ZNF695: variants seen among roughly 807,000 people sequenced by gnomAD.
The protein encoded by ZNF695 is zinc finger protein 695, also known as zinc finger protein SBZF3.
A neutral mutation model predicts 11.2 loss-of-function variants in ZNF695; 11 were observed. That is an observed-to-expected ratio of 0.98 (90% CI 0.62 to 1.62). The LOEUF (loss-of-function observed/expected upper bound fraction) is 1.62, where lower values mean the gene tolerates loss of function less well. ZNF695 is among the 40% of genes most tolerant of loss of function. The probability of loss-of-function intolerance (pLI) is 0.00; values close to 1 mark genes in which losing one functional copy is unlikely to be tolerated. For missense variants in ZNF695, 559 were observed against 590.5 expected (o/e 0.95, Z 0.55); for synonymous variants, 190 against 201.4 (o/e 0.94, Z 0.48).
Position 247,001,733 on chromosome 1 carries a change from AAG to A in ZNF695, c.4-1661_4-1660del, listed in dbSNP as rs1413536358. ...GTCTCAAAAAAAAAAAAAAAAAAAA[AAG>A]AAACAAGACAAAGAAGGGCATTGCA... On this transcript the variant is annotated intron_variant, in intron 1 of 3. Transcript: ENST00000339986. 2.9e-3 allele frequency among the ~76,000 whole-genome samples: 370 copies of A among 129,214 alleles called. 2 individuals carry two copies. The highest frequency in any genetic ancestry group is 9.0e-3 in the African/African-American group (325 of 36,130). 84.8% of individuals were successfully genotyped at this position (129,214 alleles called of 152,430 possible). A position where few individuals can be genotyped will look rare whatever the true frequency, so the allele number is the denominator to read the frequency against.
chr1:246,976,602 G>A (rs933393943), intron 4 of ZNF695, among the ~76,000 whole-genome samples: 3 of 151,622 alleles, frequency 2.0e-5, no homozygotes, highest in South Asian at 2.1e-4. Context: ...AGACCATCCT[G>A]GCTAACACGG....
intron 5 of ZNF695, among the ~76,000 whole-genome samples, chr1:246,963,583 G>A (rs1460536932): frequency 3.9e-5 from 6 of 152,170 alleles, no homozygotes; most frequent in African/African-American, 1.4e-4. Flanking sequence ...AGAATAATCC[G>A]GCAGGGAAGA....
intron 4 of ZNF695, chr1:246,969,585 G>A (rs1232349001): frequency 2.0e-5 from 3 of 152,164 alleles, no homozygotes; most frequent in Non-Finnish European, 4.4e-5. Flanking sequence ...ACATTTTCAG[G>A]TATCTTTATA....
At chr1:246,997,652 T>C (rs571320714) in intron 3 of ZNF695, among the ~76,000 whole-genome samples, 1 of 152,344 alleles carries the variant, frequency 6.6e-6, no homozygotes, top group South Asian at 2.1e-4. Context: ...ATTGCCAAGA[T>C]ACAGAAACAA....
intron 3 of ZNF695, among the ~76,000 whole-genome samples, chr1:246,995,428 A>C (rs532838972): frequency 2.0e-5 from 3 of 152,240 alleles, no homozygotes; most frequent in African/African-American, 7.2e-5. Flanking sequence ...GTTTTTGCAG[A>C]AATAGAAAAG....
intron 4 of ZNF695, chr1:246,979,974 T>A (rs1334041212): frequency 2.7e-5 from 4 of 149,868 alleles, no homozygotes; most frequent in South Asian, 2.1e-4. Context: ...ATTGAGACCA[T>A]CCTGGCTAAC....
chr1:246,972,578 T>C (rs1668453965), intron 4 of ZNF695, among the ~76,000 whole-genome samples: 1 of 152,118 alleles, frequency 6.6e-6, no homozygotes, highest in African/African-American at 2.4e-5. Flanking sequence ...CTGGAGTAAA[T>C]GGCGTGATCT....
chr1:246,947,632 A>G (rs1667771688), intron 5 of ZNF695, among the ~76,000 whole-genome samples: 1 of 150,834 alleles, frequency 6.6e-6, no homozygotes, highest in Non-Finnish European at 1.5e-5. Flanking sequence ...TGAGTGGTAT[A>G]TCGGGCGTTT....
At chr1:246,961,360 CGA>C (rs1668159843) in intron 5 of ZNF695, among the ~76,000 whole-genome samples, 1 of 152,154 alleles carries the variant, frequency 6.6e-6, no homozygotes. Flanking sequence ...CGTAGATACT[CGA>C]TAAAGTCTTT....
rs148741372 is a variant in ZNF695 at position 246,959,835 on chromosome 1, T to C, written c.488+7860A>G. ...GAAATTAACAGCTAGATGTTCTTAG[T>C]TCTCCCTCTCCGTGGCGGTTCTGAA... On this transcript the variant is annotated intron_variant, in intron 5 of 5. Transcript: ENST00000487338. Among the ~76,000 whole-genome samples the C allele has an allele frequency of 4.1e-3, 621 of 152,310 alleles. 3 individuals carry two copies. The highest frequency in any genetic ancestry group is 7.4e-3 in the Non-Finnish European group (503 of 68,020).
At chr1:247,007,494 CAAA>C (rs34758795) in intron 1 of ZNF695, among the ~76,000 whole-genome samples, 3 of 79,468 alleles carry the variant, frequency 3.8e-5, no homozygotes, top group Non-Finnish European at 4.7e-5. Context: ...GACTCCGTCT[CAAA>C]AAAAAAAAAA....
chr1:246,947,874 T>G (rs1203647584), intron 5 of ZNF695, among the ~76,000 whole-genome samples: 2 of 152,178 alleles, frequency 1.3e-5, no homozygotes, highest in Non-Finnish European at 2.9e-5. Context: ...ATAATATACA[T>G]GCTGCAAAAT....
chr1:247,004,222 C>A (rs1430290788), intron 1 of ZNF695, among the ~76,000 whole-genome samples: 2 of 152,028 alleles, frequency 1.3e-5, no homozygotes, highest in African/African-American at 4.8e-5. Flanking sequence ...AAAAGAACAA[C>A]AACAAAAAAG....
intron 4 of ZNF695, chr1:246,969,628 G>C (rs764199782): frequency 1.9e-4 from 28 of 151,244 alleles, no homozygotes; most frequent in Non-Finnish European, 3.7e-4. Flanking sequence ...CCACTTTTCT[G>C]TATTAGTTCA....
chr1:246,959,352 A>T (rs113063662), intron 5 of ZNF695, among the ~76,000 whole-genome samples: 4 of 117,456 alleles, frequency 3.4e-5, no homozygotes, highest in African/African-American at 9.7e-5. Context: ...TATATATATA[A>T]AATCTCTTTT....
At chr1:246,971,177 A>C (rs1276124227) in intron 4 of ZNF695, among the ~76,000 whole-genome samples, 1 of 152,206 alleles carries the variant, frequency 6.6e-6, no homozygotes, top group Non-Finnish European at 1.5e-5. Context: ...TCACCTGTCC[A>C]CCGGAGAGGG....
chr1:246,966,403 C>CAA (rs1668292541), intron 5 of ZNF695, among the ~76,000 whole-genome samples: 2 of 151,710 alleles, frequency 1.3e-5, no homozygotes, highest in Non-Finnish European at 2.9e-5. Context: ...ATTACTTGAA[C>CAA]CTCAGAGGTG....
chr1:246,945,760 A>T, exon 6 of ZNF695: 1 of 1,550,242 alleles, frequency 6.5e-7, no homozygotes, highest in Non-Finnish European at 8.7e-7. Flanking sequence ...GAGTCCAGGC[A>T]CTGTGTTCAA....
chr1:246,947,756 T>TA (rs573385194), intron 5 of ZNF695, among the ~76,000 whole-genome samples: 105 of 152,338 alleles, frequency 6.9e-4, no homozygotes, highest in Admixed American at 9.8e-4. Context: ...AGGACAATCT[T>TA]ATGTCTTACT....
Sources: allele counts gnomAD v4.1 joint callset (sites outside exome capture counted in the v4.1 genomes callset), GRCh38; gene constraint gnomAD v4.1.1; transcripts MANE v1.5; gene names NCBI Gene and HGNC (gene_info 2026-07-23, HGNC 2026-07-21).